LRATD2: variants seen among roughly 807,000 people sequenced by gnomAD.
LRATD2 encodes protein LRATD2.
A neutral mutation model predicts 12.0 loss-of-function variants in LRATD2; 10 were observed. The observed-to-expected ratio is 0.83, with a 90% CI of 0.51 to 1.41. The LOEUF (loss-of-function observed/expected upper bound fraction) is 1.41. LRATD2 is among the 40% of genes most tolerant of loss of function. The probability of loss-of-function intolerance (pLI) is 0.00; values close to 1 mark genes in which losing one functional copy is unlikely to be tolerated. For synonymous variants in LRATD2, 220 were observed against 205.8 expected (o/e 1.07, Z -0.59); for missense variants, 455 against 446.1 (o/e 1.02, Z -0.18).
Position 126,556,853 on chromosome 8 carries a change from G to C in LRATD2, c.537C>G (p.Ser179Arg). 6.2e-7 allele frequency: 1 copy of C among 1,606,788 alleles called. No homozygotes were observed. The highest frequency in any genetic ancestry group is 8.5e-7 in the Non-Finnish European group (1 of 1,179,506). The change falls in exon 2 of 2, where the codon AGC becomes AGG. Residue 179 changes from serine to arginine, a missense_variant. Ser to Arg is a moderately radical substitution (Grantham distance 110). Transcript: ENST00000304916. The surrounding 1 kb of genome is among the most constrained non-coding windows in gnomAD (Gnocchi z 5.6). Reference protein sequence around the residue: ...DLYRYKPLSSSAVVRNALAHV... With the variant: ...DLYRYKPLSSRAVVRNALAHV... ...GCGCCAGCGCGTTGCGCACCACGGC[G>C]CTGGAGCTTAGCGGCTTGTAGCGGT...
rs528187332 is a variant in LRATD2, at chr8:126,558,340, G to A, written c.-403C>T. 2 of 152,302 alleles carry A rather than the reference G, an allele frequency of 1.3e-5. No homozygotes were observed. Among genetic ancestry groups the A allele is most frequent in the Non-Finnish European group, 2.9e-5 (2 of 68,124 alleles). 9.4% of individuals were successfully genotyped at this position (152,302 alleles called of 1,614,324 possible). A position where few individuals can be genotyped will look rare whatever the true frequency, so the allele number is the denominator to read the frequency against. ...AGGTGGGGCGCGAGGAGGAGAGGAC[G>A]GCAGCCTCGCAGCCTGGCGGCAACA... On this transcript the variant is annotated 5_prime_UTR_variant, in exon 1 of 2. Transcript: ENST00000304916.
rs1817480254 is a variant in LRATD2 at position 126,558,363 on chromosome 8, A to G, written c.-426T>C. The G allele has an allele frequency of 1.3e-5, 2 of 152,140 alleles. No homozygotes were observed. Among genetic ancestry groups the G allele is most frequent in the South Asian group, 2.1e-4 (1 of 4,826 alleles). The allele number at this position is 152,140 out of a possible 1,614,324, so 9.4% of individuals were successfully genotyped here. On this transcript the variant is annotated 5_prime_UTR_variant, in exon 1 of 2. Coordinates refer to ENST00000304916, the MANE Select transcript of LRATD2 (RefSeq NM_174911.5). ...ACGGCAGCCTCGCAGCCTGGCGGCA[A>G]CAGCTCCCGCTTGGGCCGGGCGAGC...
chr8:126,556,641 A>T lies in LRATD2; in HGVS notation c.749T>A (p.Leu250Gln). ...HTLEFQSLED[L>Q]IMEKRRNDQI... Reference sequence around the variant, plus strand: ...GTCGTTGCGTCGCTTCTCCATGATCAGGTCCTCTAGACTCTGGAACTCGAG... The same window carrying T: ...GTCGTTGCGTCGCTTCTCCATGATCTGGTCCTCTAGACTCTGGAACTCGAG... The change falls in exon 2 of 2, where the codon CTG (leucine) becomes CAG (glutamine). Residue 250 changes from leucine to glutamine, a missense_variant. By Grantham distance (113) the Leu-to-Gln change is moderately radical. Coordinates refer to ENST00000304916, the MANE Select transcript of LRATD2 (RefSeq NM_174911.5). The surrounding 1 kb of genome is among the most constrained non-coding windows in gnomAD (Gnocchi z 5.6). 6.2e-7 allele frequency: 1 copy of T among 1,611,852 alleles called. No individual in the cohort carries two copies. The highest frequency in any genetic ancestry group is 1.7e-4 in the Middle Eastern group (1 of 6,058).
chr8:126,557,219 G>T lies in LRATD2; in HGVS notation c.171C>A (p.Gly57=), dbSNP rs1291393645. Residue 57 remains glycine, a synonymous_variant, in exon 2 of 2, where the codon GGC becomes GGA. Transcript: ENST00000304916. This position sits in a 1 kb window ranked among gnomAD's most constrained non-coding sequence, Gnocchi z 5.3. ...PQPPPQGPDG[G]GLPDGGDGPP... ...GCCCGTCCCCACCGTCGGGCAAGCC[G>T]CCGCCATCTGGCCCCTGAGGCGGCG... The T allele has an allele frequency of 6.3e-7, 1 of 1,599,540 alleles. No individual in the cohort carries two copies. Among genetic ancestry groups the T allele is most frequent in the Non-Finnish European group, 8.5e-7 (1 of 1,173,744 alleles).
Position 126,557,659 on chromosome 8 carries a change from T to C in LRATD2, c.-96-174A>G, listed in dbSNP as rs977950218. On this transcript the variant is annotated intron_variant, in intron 1 of 1. Coordinates refer to ENST00000304916, the MANE Select transcript of LRATD2 (RefSeq NM_174911.5). This position sits in a 1 kb window ranked among gnomAD's most constrained non-coding sequence, Gnocchi z 5.3. The stretch of plus-strand genomic sequence containing the variant: ...CTGTAAGGTCACGGTCACAGGAGAC[T>C]GGGCAACTCCTGTTCTCCCTGTCCC... 1.6e-5 allele frequency: 8 copies of C among 511,750 alleles called. No homozygotes were observed. The Admixed American group carries it at 1.9e-4, about 12-fold the overall frequency. 31.7% of individuals were successfully genotyped at this position (511,750 alleles called of 1,614,324 possible).
At position 126,557,077 on chromosome 8, in the gene LRATD2, T is replaced by A; in HGVS notation, c.313A>T (p.Ser105Cys). Residue 105 changes from serine to cysteine, a missense_variant, in exon 2 of 2, where the codon AGT (serine) becomes TGT (cysteine). Ser to Cys is a moderately radical substitution (Grantham distance 112). Transcript: ENST00000304916. This position sits in a 1 kb window ranked among gnomAD's most constrained non-coding sequence, Gnocchi z 5.3. Reference protein sequence around the residue: ...KSFAPGSAALSTYTPENLLNK... With the variant: ...KSFAPGSAALCTYTPENLLNK... ...AGCAGGTTCTCGGGCGTGTAGGTAC[T>A]CAGCGCCGCCGAGCCCGGCGCGAAG... 1 of 1,610,086 alleles carries A rather than the reference T, an allele frequency of 6.2e-7. No individual in the cohort carries two copies. The highest frequency in any genetic ancestry group is 8.5e-7 in the Non-Finnish European group (1 of 1,179,962).
rs909220722 is a variant in LRATD2 at position 126,555,446 on chromosome 8, C to T, written c.*1011G>A. On this transcript the variant is annotated 3_prime_UTR_variant, in exon 2 of 2. Coordinates refer to ENST00000304916, the MANE Select transcript of LRATD2 (RefSeq NM_174911.5). Reference sequence around the variant, plus strand: ...AAGTGGAAGGAGAAATTAACCAATTCCTGCCACAGCAGCCCTTTTTGGCTG... The same window carrying T: ...AAGTGGAAGGAGAAATTAACCAATTTCTGCCACAGCAGCCCTTTTTGGCTG... 2.6e-5 allele frequency: 4 copies of T among 152,394 alleles called. No homozygotes were observed. The highest frequency in any genetic ancestry group is 7.2e-5 in the African/African-American group (3 of 41,440). The allele number at this position is 152,394 out of a possible 1,614,324, so 9.4% of individuals were successfully genotyped here.
rs555277916 is a variant in LRATD2, at chr8:126,553,198, T to C, written c.*3259A>G. On this transcript the variant is annotated 3_prime_UTR_variant, in exon 2 of 2. Coordinates refer to ENST00000304916, the MANE Select transcript of LRATD2 (RefSeq NM_174911.5). ...CTTATAGGTCTGGAGTAAAATCTTC[T>C]AGGCATTTTAGTGCTAAAAGTCACT... 2 of 152,438 alleles carry C rather than the reference T, an allele frequency of 1.3e-5. No individual in the cohort carries two copies. The highest frequency in any genetic ancestry group is 4.1e-4 in the South Asian group (2 of 4,824). The allele number at this position is 152,438 out of a possible 1,614,324, so 9.4% of individuals were successfully genotyped here. A position where few individuals can be genotyped will look rare whatever the true frequency, so the allele number is the denominator to read the frequency against.
chr8:126,558,106 T>G lies in LRATD2; in HGVS notation c.-169A>C, dbSNP rs950049340. On this transcript the variant is annotated 5_prime_UTR_variant, in exon 1 of 2. Transcript: ENST00000304916. ...CGCCCCGAGACTTCTAGGGCGAGTT[T>G]GAAGGTGTAGGCTCGGCAGTCCCTC... 1.3e-5 allele frequency: 2 copies of G among 152,386 alleles called. No homozygotes were observed. The highest frequency in any genetic ancestry group is 2.4e-5 in the African/African-American group (1 of 41,394). 9.4% of individuals were successfully genotyped at this position (152,386 alleles called of 1,614,324 possible). A position where few individuals can be genotyped will look rare whatever the true frequency, so the allele number is the denominator to read the frequency against.
rs1278038678 is a variant in LRATD2, at chr8:126,556,391, G to A, written c.*66C>T. The A allele has an allele frequency of 1.4e-6, 2 of 1,461,856 alleles. No homozygotes were observed. The highest frequency in any genetic ancestry group is 1.8e-6 in the Non-Finnish European group (2 of 1,102,018). The allele number at this position is 1,461,856 out of a possible 1,614,324, so 90.6% of individuals were successfully genotyped here. A position where few individuals can be genotyped will look rare whatever the true frequency, so the allele number is the denominator to read the frequency against. ...GTGGCAAAAGAGGGAGGAAGAGAGGGAGAAAGGGAGCAGCGGCTGCTACTG... is the reference window on the plus strand; with the variant it reads ...GTGGCAAAAGAGGGAGGAAGAGAGGAAGAAAGGGAGCAGCGGCTGCTACTG... On this transcript the variant is annotated 3_prime_UTR_variant, in exon 2 of 2. Coordinates refer to ENST00000304916, the MANE Select transcript of LRATD2 (RefSeq NM_174911.5). This position sits in a 1 kb window ranked among gnomAD's most constrained non-coding sequence, Gnocchi z 5.6.
rs1375200540 is a variant in LRATD2 at position 126,553,647 on chromosome 8, G to A, written c.*2810C>T. 1 of 152,358 alleles carries A rather than the reference G, an allele frequency of 6.6e-6. No individual in the cohort carries two copies. The allele number at this position is 152,358 out of a possible 1,614,324, so 9.4% of individuals were successfully genotyped here. A position where few individuals can be genotyped will look rare whatever the true frequency, so the allele number is the denominator to read the frequency against. On this transcript the variant is annotated 3_prime_UTR_variant, in exon 2 of 2. Coordinates refer to ENST00000304916, the MANE Select transcript of LRATD2 (RefSeq NM_174911.5). ...AGAGTTGATTCATTCCCCTTTCCTGGAGCTGTTACTAGTTGGTTGTTGCTT... is the reference window on the plus strand; with the variant it reads ...AGAGTTGATTCATTCCCCTTTCCTGAAGCTGTTACTAGTTGGTTGTTGCTT...
chr8:126,554,949 T>G lies in LRATD2; in HGVS notation c.*1508A>C, dbSNP rs370661467. ...CTGAGGGCACATATCATTGAAGATG[T>G]CACAGGAGTTTAAGAGACAGGCTGG... On this transcript the variant is annotated 3_prime_UTR_variant, in exon 2 of 2. Coordinates refer to ENST00000304916, the MANE Select transcript of LRATD2 (RefSeq NM_174911.5). 6.6e-6 allele frequency: 1 copy of G among 151,996 alleles called. No individual in the cohort carries two copies. Among genetic ancestry groups the G allele is most frequent in the African/African-American group, 2.4e-5 (1 of 41,376 alleles). 9.4% of individuals were successfully genotyped at this position (151,996 alleles called of 1,614,324 possible).
chr8:126,552,952 A>T lies in LRATD2; in HGVS notation c.*3505T>A, dbSNP rs1439649010. 2 of 152,668 alleles carry T rather than the reference A, an allele frequency of 1.3e-5. No individual in the cohort carries two copies. The highest frequency in any genetic ancestry group is 1.3e-4 in the Admixed American group (2 of 15,282). 9.5% of individuals were successfully genotyped at this position (152,668 alleles called of 1,614,324 possible). On this transcript the variant is annotated 3_prime_UTR_variant, in exon 2 of 2. Transcript: ENST00000304916. ...CAAGCACATGATATCAAGAGTCTTC[A>T]ACACAGTGGATTCCATTTTATTAAG...
chr8:126,555,242 G>A lies in LRATD2; in HGVS notation c.*1215C>T, dbSNP rs1817360488. 1 of 152,136 alleles carries A rather than the reference G, an allele frequency of 6.6e-6. No individual in the cohort carries two copies. Among genetic ancestry groups the A allele is most frequent in the Non-Finnish European group, 1.5e-5 (1 of 68,038 alleles). 9.4% of individuals were successfully genotyped at this position (152,136 alleles called of 1,614,324 possible). The stretch of plus-strand genomic sequence containing the variant: ...CTTGAATTCAATTGCATCAAGTGTG[G>A]ATAGCAAAATAAGTATCTTACCATT... On this transcript the variant is annotated 3_prime_UTR_variant, in exon 2 of 2. Coordinates refer to ENST00000304916, the MANE Select transcript of LRATD2 (RefSeq NM_174911.5).
In LRATD2 at chr8:126,556,825, C is replaced by A. The variant is rs1389437078; in HGVS notation, c.565G>T (p.Val189Leu). Residue 189 changes from valine to leucine, a missense_variant, in exon 2 of 2, where the codon GTG becomes TTG. By Grantham distance (32) the Val-to-Leu change is conservative (BLOSUM62 1). Transcript: ENST00000304916. This position sits in a 1 kb window ranked among gnomAD's most constrained non-coding sequence, Gnocchi z 5.6. ...SAVVRNALAH[V>L]GAKERELSWR... ...CTCAGCTCGCGCTCCTTGGCACCCACGTGCGCCAGCGCGTTGCGCACCACG... is the reference window on the plus strand; with the variant it reads ...CTCAGCTCGCGCTCCTTGGCACCCAAGTGCGCCAGCGCGTTGCGCACCACG... 22 of 1,603,050 alleles carry A rather than the reference C, an allele frequency of 1.4e-5. No homozygotes were observed. The highest frequency in any genetic ancestry group is 1.8e-5 in the Non-Finnish European group (21 of 1,178,250).
rs1817313584 is a variant in LRATD2, at chr8:126,553,045, A to C, written c.*3412T>G. The C allele has an allele frequency of 6.6e-6, 1 of 152,508 alleles. No individual in the cohort carries two copies. Among genetic ancestry groups the C allele is most frequent in the South Asian group, 2.1e-4 (1 of 4,836 alleles). The allele number at this position is 152,508 out of a possible 1,614,324, so 9.4% of individuals were successfully genotyped here. A position where few individuals can be genotyped will look rare whatever the true frequency, so the allele number is the denominator to read the frequency against. ...TCCATAGCATACGTTATATAAAATT[A>C]AAGTTTTGCTTCCAAAAATATGTTT... On this transcript the variant is annotated 3_prime_UTR_variant, in exon 2 of 2. Coordinates refer to ENST00000304916, the MANE Select transcript of LRATD2 (RefSeq NM_174911.5).
In LRATD2 at chr8:126,552,956, C is replaced by T. The variant is rs897462244; in HGVS notation, c.*3501G>A. On this transcript the variant is annotated 3_prime_UTR_variant, in exon 2 of 2. Transcript: ENST00000304916. The stretch of plus-strand genomic sequence containing the variant: ...CACATGATATCAAGAGTCTTCAACA[C>T]AGTGGATTCCATTTTATTAAGAAAA... The T allele has an allele frequency of 3.6e-4, 55 of 152,672 alleles. No homozygotes were observed. The highest frequency in any genetic ancestry group is 1.3e-3 in the African/African-American group (53 of 41,536). The allele number at this position is 152,672 out of a possible 1,614,324, so 9.5% of individuals were successfully genotyped here. A position where few individuals can be genotyped will look rare whatever the true frequency, so the allele number is the denominator to read the frequency against.
At position 126,556,538 on chromosome 8, in the gene LRATD2, GT is replaced by G; in HGVS notation, c.851del (p.Asn284ThrfsTer43). On this transcript the variant is annotated frameshift_variant, in exon 2 of 2. Coordinates refer to ENST00000304916, the MANE Select transcript of LRATD2 (RefSeq NM_174911.5). LOFTEE classifies it low-confidence loss of function (END_TRUNC). The surrounding 1 kb of genome is among the most constrained non-coding windows in gnomAD (Gnocchi z 5.6). Reference sequence around the variant, plus strand: ...CGGGAGGCGGCGTAGTCCGCGCCACGTTGCTGTCGCCCTCCTCCGGCTCCGC... The same window carrying G: ...CGGGAGGCGGCGTAGTCCGCGCCACGTGCTGTCGCCCTCCTCCGGCTCCGC... ...HPAEPEEGDS[N>X]VARTTPPPGR... 6.2e-7 allele frequency: 1 copy of G among 1,602,908 alleles called. No individual in the cohort carries two copies. Among genetic ancestry groups the G allele is most frequent in the South Asian group, 1.1e-5 (1 of 89,546 alleles).
At position 126,557,733 on chromosome 8, in the gene LRATD2, A is replaced by G. The variant is rs752167161; in HGVS notation, c.-96-248T>C. On this transcript the variant is annotated intron_variant, in intron 1 of 1. Coordinates refer to ENST00000304916, the MANE Select transcript of LRATD2 (RefSeq NM_174911.5). This position sits in a 1 kb window ranked among gnomAD's most constrained non-coding sequence, Gnocchi z 5.3. ...AAAGCCCATTGCATCAGCAGCTTCTACTGCTTCCGCCTGCGCCCTACCTGC... is the reference window on the plus strand; with the variant it reads ...AAAGCCCATTGCATCAGCAGCTTCTGCTGCTTCCGCCTGCGCCCTACCTGC... 7.1e-6 allele frequency: 2 copies of G among 283,578 alleles called. No homozygotes were observed. The highest frequency in any genetic ancestry group is 1.3e-5 in the Non-Finnish European group (2 of 152,604). The allele number at this position is 283,578 out of a possible 1,614,324, so 17.6% of individuals were successfully genotyped here.
Sources: allele counts gnomAD v4.1 joint callset, GRCh38; gene constraint gnomAD v4.1.1; non-coding constraint Gnocchi (gnomAD v3.1); transcripts MANE v1.5; gene names NCBI Gene and HGNC (gene_info 2026-07-23, HGNC 2026-07-21).